ASTN2: variants seen among roughly 807,000 people sequenced by gnomAD.
ASTN2 encodes astrotactin 2.
A neutral mutation model predicts 139.8 loss-of-function variants in ASTN2; 54 were observed. The observed-to-expected ratio is 0.39, with a 90% CI of 0.31 to 0.48. The LOEUF is 0.48. ASTN2 is among the 20% of genes least tolerant of loss of function. The pLI is 0.95. For missense variants in ASTN2, 1,565 were observed against 1,725.1 expected, an observed-to-expected ratio of 0.91 and a Z score of 1.64; for synonymous variants, 756 against 719.5, an observed-to-expected ratio of 1.05 and a Z score of -0.81.
intron 15 of ASTN2, among the ~76,000 whole-genome samples, chr9:116,728,567 G>C (rs969140196): frequency 6.6e-6 from 1 of 151,980 alleles, no homozygotes; most frequent in Non-Finnish European, 1.5e-5. Context: ...TTTTTGTATC[G>C]GAGATGGACA....
intron 19 of ASTN2, among the ~76,000 whole-genome samples, chr9:116,598,697 C>T (rs962885641): frequency 3.3e-5 from 5 of 152,194 alleles, no homozygotes; most frequent in African/African-American, 1.2e-4. Context: ...CATGGCATCT[C>T]TACTTTATTC....
At chr9:116,533,852 G>A (rs1851482255) in intron 19 of ASTN2, among the ~76,000 whole-genome samples, 1 of 152,136 alleles carries the variant, frequency 6.6e-6, no homozygotes, top group Non-Finnish European at 1.5e-5. Flanking sequence ...CCAGGCTTTG[G>A]TATCAGGATG....
At chr9:117,341,843 C>T (rs1043099188) in intron 1 of ASTN2, among the ~76,000 whole-genome samples, 1 of 152,092 alleles carries the variant, frequency 6.6e-6, no homozygotes, top group Non-Finnish European at 1.5e-5. Context: ...TGCAAAATAC[C>T]AGCACACACT....
chr9:116,638,531 T>C (rs546434088), intron 17 of ASTN2, among the ~76,000 whole-genome samples: 1 of 122,680 alleles, frequency 8.2e-6, no homozygotes, highest in East Asian at 2.5e-4. Context: ...CTGTGGGGAA[T>C]TGCCAAAAAA....
chr9:116,620,130 GCCACAATTC>G (rs1050769665), intron 18 of ASTN2, among the ~76,000 whole-genome samples, 171 bp downstream of exon 18: 1 of 152,102 alleles, frequency 6.6e-6, no homozygotes, highest in African/African-American at 2.4e-5. Context: ...CTGCTCCTGT[GCCACAATTC>G]TGTTCTGCCA....
At chr9:116,724,340 T>C (rs1433601480) in intron 16 of ASTN2, among the ~76,000 whole-genome samples, 2 of 152,156 alleles carry the variant, frequency 1.3e-5, no homozygotes, top group Non-Finnish European at 2.9e-5. Context: ...AACTCAATTA[T>C]ATCCACTGTG....
intron 10 of ASTN2, among the ~76,000 whole-genome samples, chr9:116,868,305 T>C (rs1833069473): frequency 6.6e-6 from 1 of 152,186 alleles, no homozygotes; most frequent in Admixed American, 6.5e-5. Flanking sequence ...AGGGAAGTTA[T>C]GTCACTTGCT....
intron 5 of ASTN2, among the ~76,000 whole-genome samples, chr9:117,068,831 A>G (rs968519743): frequency 7.5e-6 from 1 of 132,814 alleles, no homozygotes; most frequent in Non-Finnish European, 1.7e-5. Context: ...GGTAGTTTGT[A>G]TTTCTGTGGG....
chr9:116,908,093 G>T (rs776454122), intron 10 of ASTN2, among the ~76,000 whole-genome samples: 1 of 152,158 alleles, frequency 6.6e-6, no homozygotes, highest in African/African-American at 2.4e-5. Context: ...GGTGAGGCGT[G>T]TGGGCGAAAA....
intron 19 of ASTN2, among the ~76,000 whole-genome samples, chr9:116,515,053 T>G (rs1346791179): frequency 1.3e-5 from 2 of 152,126 alleles, no homozygotes; most frequent in Non-Finnish European, 2.9e-5. Flanking sequence ...ATACCTCAGT[T>G]GGAAATGCAG....
chr9:116,553,594 A>C (rs1852453606), intron 19 of ASTN2, among the ~76,000 whole-genome samples: 1 of 152,192 alleles, frequency 6.6e-6, no homozygotes, highest in Admixed American at 6.5e-5. Context: ...CAGAAAGTGC[A>C]TTGGCTTGGG....
intron 6 of ASTN2, among the ~76,000 whole-genome samples, chr9:117,013,840 C>G (rs1280825050): frequency 1.3e-5 from 2 of 152,106 alleles, no homozygotes; most frequent in South Asian, 2.1e-4. Context: ...GAGAGCCAGA[C>G]AGCAGCTGCA....
At chr9:116,450,413 C>T (rs1170928912) in intron 20 of ASTN2, among the ~76,000 whole-genome samples, 1 of 152,138 alleles carries the variant, frequency 6.6e-6, no homozygotes, top group African/African-American at 2.4e-5. Context: ...AGAAATCATT[C>T]CTATTTTACA....
intron 10 of ASTN2, among the ~76,000 whole-genome samples, chr9:116,919,687 T>G (rs1289555256): frequency 7.0e-6 from 1 of 143,720 alleles, no homozygotes; most frequent in African/African-American, 2.7e-5. Flanking sequence ...AGCTCACACC[T>G]GTAATCAGCC....
chr9:116,814,715 C>T (rs1831262192), intron 12 of ASTN2, among the ~76,000 whole-genome samples: 1 of 152,178 alleles, frequency 6.6e-6, no homozygotes, highest in African/African-American at 2.4e-5. Context: ...TCCCCAGGCA[C>T]ACTGGGAACC....
In ASTN2 at chr9:116,897,307, G is replaced by T. The variant is rs145745169; in HGVS notation, c.1890-33574C>A. On this transcript the variant is annotated intron_variant, in intron 10 of 22. Transcript: ENST00000313400. ...GTCAATCTCCTCTCTGGGCAATCAGGGTCTAACTCTAAAAAGCGAGGCTTG... is the reference window on the plus strand; with the variant it reads ...GTCAATCTCCTCTCTGGGCAATCAGTGTCTAACTCTAAAAAGCGAGGCTTG... Among the ~76,000 whole-genome samples, 3 of 152,268 alleles carry T rather than the reference G, an allele frequency of 2.0e-5. No individual in the cohort carries two copies. The South Asian group carries it at 6.2e-4, about 32-fold the overall frequency.
intron 10 of ASTN2, among the ~76,000 whole-genome samples, chr9:116,873,344 A>G (rs1368161061): frequency 1.3e-5 from 2 of 152,240 alleles, no homozygotes; most frequent in Non-Finnish European, 2.9e-5. Flanking sequence ...CACAAGCCAC[A>G]GGTAGGTAGA....
At chr9:116,823,309 C>A (rs1322787207) in intron 11 of ASTN2, among the ~76,000 whole-genome samples, 1 of 152,166 alleles carries the variant, frequency 6.6e-6, no homozygotes, top group Admixed American at 6.5e-5. Flanking sequence ...GGCTTCCCAA[C>A]TTTGTTGCTA....
intron 13 of ASTN2, among the ~76,000 whole-genome samples, chr9:116,799,712 G>GC (rs1830793348): frequency 6.9e-6 from 1 of 145,748 alleles, no homozygotes; most frequent in African/African-American, 2.5e-5. Flanking sequence ...AGAGTGGGGG[G>GC]GGGGAGAATA....
Sources: gnomAD v4.1 joint callset for allele counts (sites outside exome capture counted in the v4.1 genomes callset) on GRCh38, gnomAD v4.1.1 for gene constraint, MANE v1.5 for transcripts, NCBI Gene and HGNC (gene_info 2026-07-23, HGNC 2026-07-21) for gene names.